The following KIF6 variants were observed in gnomAD, a reference collection of about 807,000 sequenced individuals.
KIF6 encodes the protein kinesin family member 6, also known as kinesin-like protein KIF6.
Under a neutral mutation model 112.7 loss-of-function variants are expected in KIF6, and 106 were observed. The observed-to-expected ratio is 0.94, with a 90% CI of 0.80 to 1.11. The LOEUF (loss-of-function observed/expected upper bound fraction) is 1.11. KIF6 is among the 50% of genes least tolerant of loss of function. The probability of loss-of-function intolerance (pLI) is 0.00; values close to 1 mark genes in which losing one functional copy is unlikely to be tolerated. For missense variants in KIF6, 929 were observed against 964.0 expected (o/e 0.96, Z 0.48); for synonymous variants, 339 against 339.9 (o/e 1.00, Z 0.03).
chr6:39,353,493 T>C (rs1246619304), intron 19 of KIF6, among the ~76,000 whole-genome samples: 1 of 152,232 alleles, frequency 6.6e-6, no homozygotes, highest in Non-Finnish European at 1.5e-5. Context: ...CAGATATATG[T>C]TTTGCAAATA....
At chr6:39,669,181 C>T (rs1326817588) in intron 3 of KIF6, among the ~76,000 whole-genome samples, 3 of 152,166 alleles carry the variant, frequency 2.0e-5, no homozygotes, top group African/African-American at 7.2e-5. Context: ...CAAAACAAAC[C>T]AAGTTAAATA....
intron 13 of KIF6, among the ~76,000 whole-genome samples, chr6:39,445,921 A>G (rs1002198924): frequency 6.6e-6 from 1 of 152,168 alleles, no homozygotes; most frequent in African/African-American, 2.4e-5. Context: ...CAGACACTGC[A>G]CCCTCAACCA....
chr6:39,623,536 A>T (rs2150739538), intron 5 of KIF6, among the ~76,000 whole-genome samples: 1 of 152,266 alleles, frequency 6.6e-6, no homozygotes, highest in South Asian at 2.1e-4. Flanking sequence ...TGTAAAAGAG[A>T]TCTATTTAGC....
chr6:39,599,707 C>T (rs1461574397), intron 6 of KIF6, among the ~76,000 whole-genome samples: 2 of 152,148 alleles, frequency 1.3e-5, no homozygotes, highest in Non-Finnish European at 2.9e-5. Flanking sequence ...AGTCGCACAA[C>T]AATAAATCCT....
At chr6:39,490,550 T>A (rs116349648) in intron 13 of KIF6, among the ~76,000 whole-genome samples, 2 of 152,088 alleles carry the variant, frequency 1.3e-5, no homozygotes, top group Non-Finnish European at 2.9e-5. Context: ...AATAAAATGG[T>A]TGAGGAATTC....
intron 10 of KIF6, among the ~76,000 whole-genome samples, chr6:39,550,116 T>C (rs922231797): frequency 1.3e-5 from 2 of 152,182 alleles, no homozygotes; most frequent in African/African-American, 4.8e-5. Context: ...ATTTTTATGA[T>C]TATGTTATGT....
At chr6:39,387,277 C>T (rs1239859595) in intron 15 of KIF6, among the ~76,000 whole-genome samples, 2 of 152,150 alleles carry the variant, frequency 1.3e-5, no homozygotes, top group African/African-American at 4.8e-5. Context: ...GAAAAAGATC[C>T]TCTGTCATTG....
chr6:39,572,469 G>A (rs150614070), intron 10 of KIF6, among the ~76,000 whole-genome samples: 2 of 152,206 alleles, frequency 1.3e-5, no homozygotes, highest in East Asian at 3.9e-4. Context: ...AGGATTAACT[G>A]CAAGAAGACC....
At chr6:39,700,058 ACATATGGCTATACAGC>A (rs1788790809) in intron 3 of KIF6, among the ~76,000 whole-genome samples, 1 of 152,232 alleles carries the variant, frequency 6.6e-6, no homozygotes, top group Non-Finnish European at 1.5e-5. Context: ...TTAAGGCGAT[ACATATGGCTATACAGC>A]CATGCAATGC....
chr6:39,422,505 G>A lies in KIF6; in HGVS notation c.1755-2502C>T, dbSNP rs188747616. ...GCAGTCTTCATGAGACCATTTTCCC[G>A]TCACTCTGGAAGTTGTCACCACTCC... On this transcript the variant is annotated intron_variant, in intron 14 of 22. Transcript: ENST00000287152. Among the ~76,000 whole-genome samples the A allele has an allele frequency of 1.5e-3, 221 of 152,254 alleles. 2 individuals carry two copies. The highest frequency in any genetic ancestry group is 4.2e-3 in the African/African-American group (173 of 41,532).
chr6:39,375,512 A>C (rs1376884369), intron 16 of KIF6, among the ~76,000 whole-genome samples: 1 of 152,218 alleles, frequency 6.6e-6, no homozygotes, highest in African/African-American at 2.4e-5. Context: ...GCAAACAAAA[A>C]TACCAAAAAT....
chr6:39,363,019 G>A (rs964982364), intron 16 of KIF6, among the ~76,000 whole-genome samples: 1 of 152,028 alleles, frequency 6.6e-6, no homozygotes, highest in African/African-American at 2.4e-5. Flanking sequence ...CGTGGTGGCG[G>A]GCGCCTATAA....
Position 39,346,458 on chromosome 6 carries a change from C to T in KIF6, c.2231+18G>A, listed in dbSNP as rs367591537. ...GTCGAGAAGACAGCTGTCTATGAAC[C>T]GGGAAGGGGGTCCTCACCAGACATC... On this transcript the variant is annotated intron_variant, in intron 20 of 22. Coordinates refer to ENST00000287152, the MANE Select transcript of KIF6 (RefSeq NM_145027.6). 596 of 716,802 alleles carry T rather than the reference C, an allele frequency of 8.3e-4. No individual in the cohort carries two copies. Among genetic ancestry groups the T allele is most frequent in the East Asian group, 1.5e-3 (56 of 37,252 alleles). 44.4% of individuals were successfully genotyped at this position (716,802 alleles called of 1,614,324 possible).
chr6:39,516,877 T>C (rs977602119), intron 13 of KIF6, among the ~76,000 whole-genome samples: 4 of 152,206 alleles, frequency 2.6e-5, no homozygotes, highest in Non-Finnish European at 4.4e-5. Context: ...TCCTGCTCTT[T>C]CTTGACCTCT....
At chr6:39,597,971 G>A (rs2150689327) in intron 6 of KIF6, among the ~76,000 whole-genome samples, 1 of 152,192 alleles carries the variant, frequency 6.6e-6, no homozygotes, top group African/African-American at 2.4e-5. Context: ...TTTGAGACCA[G>A]CCTGACCAAA....
At position 39,345,895 on chromosome 6, in the gene KIF6, A is replaced by G. The variant is rs938521689; in HGVS notation, c.2232-106T>C. ...GTTATGGACTGAATGTGTCCTCTCA[A>G]AATCCCTATGTGGACACCCTAATTC... is the stretch of plus-strand genomic sequence containing the variant. On this transcript the variant is annotated intron_variant, in intron 20 of 22. Coordinates refer to ENST00000287152, the MANE Select transcript of KIF6 (RefSeq NM_145027.6). 3.9e-6 allele frequency: 3 copies of G among 765,022 alleles called. No individual in the cohort carries two copies. In the Admixed American group the frequency reaches 6.9e-5, roughly 18 times the overall value. The allele number at this position is 765,022 out of a possible 1,614,324, so 47.4% of individuals were successfully genotyped here. A position where few individuals can be genotyped will look rare whatever the true frequency, so the allele number is the denominator to read the frequency against.
intron 16 of KIF6, among the ~76,000 whole-genome samples, chr6:39,381,266 C>T (rs991406571): frequency 6.6e-6 from 1 of 152,124 alleles, no homozygotes; most frequent in Non-Finnish European, 1.5e-5. Flanking sequence ...CCCACACTTT[C>T]ATGAAACCAT....
chr6:39,599,725 T>C (rs1782474634), intron 6 of KIF6, among the ~76,000 whole-genome samples: 1 of 152,190 alleles, frequency 6.6e-6, no homozygotes, highest in Non-Finnish European at 1.5e-5. Context: ...CCTACAATAC[T>C]GTAACAAAAG....
chr6:39,658,062 T>C (rs947224321), intron 3 of KIF6, among the ~76,000 whole-genome samples: 4 of 152,224 alleles, frequency 2.6e-5, no homozygotes, highest in African/African-American at 7.2e-5. Flanking sequence ...AATTTAAACA[T>C]ACAGGAAACT....
Sources: gnomAD v4.1 joint callset for allele counts (sites outside exome capture counted in the v4.1 genomes callset) on GRCh38, gnomAD v4.1.1 for gene constraint, MANE v1.5 for transcripts, NCBI Gene and HGNC (gene_info 2026-07-23, HGNC 2026-07-21) for gene names.